Variants in CCSER1 observed in about 807,000 individuals in gnomAD.
The protein encoded by CCSER1 is serine-rich coiled-coil domain-containing protein 1.
Under a neutral mutation model 82.0 loss-of-function variants are expected in CCSER1, and 41 were observed. The ratio of observed to expected loss-of-function variants is 0.50; its 90% confidence interval spans 0.39 to 0.65. The LOEUF (loss-of-function observed/expected upper bound fraction) is 0.65. Among genes scored for constraint, CCSER1 ranks in the 30% least tolerant of loss-of-function variants. The probability of loss-of-function intolerance (pLI) is 0.00; values close to 1 mark genes in which losing one functional copy is unlikely to be tolerated. For synonymous variants in CCSER1, 414 were observed against 383.9 expected (o/e 1.08, Z -0.92); for missense variants, 1,119 against 1,064.2 (o/e 1.05, Z -0.72).
chr4:90,285,187 A>G (rs905369292), intron 1 of CCSER1, among the ~76,000 whole-genome samples: 3 of 151,958 alleles, frequency 2.0e-5, no homozygotes, highest in African/African-American at 7.2e-5. Flanking sequence ...GAAGAATGTC[A>G]TTGGTGTTTT....
At chr4:91,176,130 G>A (rs1037698708) in intron 10 of CCSER1, among the ~76,000 whole-genome samples, 1 of 152,206 alleles carries the variant, frequency 6.6e-6, no homozygotes. Context: ...AGATCAGATG[G>A]TTGTAGATGT....
rs540756479 is a variant in CCSER1 at position 91,144,724 on chromosome 4, G to A, written c.2217+58730G>A. Among the ~76,000 whole-genome samples the A allele has an allele frequency of 1.2e-4, 18 of 151,568 alleles. No homozygotes were observed. In the South Asian group the frequency reaches 3.7e-3, roughly 32 times the overall value. On this transcript the variant is annotated intron_variant, in intron 10 of 10. Transcript: ENST00000509176. ...GCCTTAATTTCATTGTTTTTACAAAGGGCATTCAGAAACAAGTTATTTAGT... is the reference window on the plus strand; with the variant it reads ...GCCTTAATTTCATTGTTTTTACAAAAGGCATTCAGAAACAAGTTATTTAGT...
chr4:91,453,892 T>C (rs925474471), intron 10 of CCSER1, among the ~76,000 whole-genome samples: 1 of 152,072 alleles, frequency 6.6e-6, no homozygotes, highest in African/African-American at 2.4e-5. Context: ...GATGTGTGAA[T>C]GGAAGAAAAT....
chr4:90,476,036 G>T, intron 5 of CCSER1, among the ~76,000 whole-genome samples: 1 of 148,660 alleles, frequency 6.7e-6, no homozygotes, highest in South Asian at 2.1e-4. Context: ...GTGTGTGTGT[G>T]TGTGTGTGTA....
At chr4:90,953,016 T>C (rs1355016374) in intron 9 of CCSER1, among the ~76,000 whole-genome samples, 1 of 152,104 alleles carries the variant, frequency 6.6e-6, no homozygotes, top group Non-Finnish European at 1.5e-5. Context: ...AATATTTTGC[T>C]TTAATATTGT....
intron 10 of CCSER1, among the ~76,000 whole-genome samples, chr4:91,386,317 C>T (rs1274011975): frequency 6.6e-6 from 1 of 151,976 alleles, no homozygotes; most frequent in East Asian, 1.9e-4. Context: ...ATAATTTAAT[C>T]TCCAAATAAT....
chr4:90,127,990 G>A (rs889755228), intron 1 of CCSER1, among the ~76,000 whole-genome samples, 159 bp downstream of exon 1: 1 of 151,806 alleles, frequency 6.6e-6, no homozygotes, highest in African/African-American at 2.4e-5. Context: ...CGGCGTGCTC[G>A]GCGCAGAGAC....
chr4:90,967,401 A>C (rs959026483), intron 9 of CCSER1, among the ~76,000 whole-genome samples: 8 of 152,078 alleles, frequency 5.3e-5, no homozygotes, highest in African/African-American at 1.9e-4. Context: ...GTGAGCTGAG[A>C]TCACAGCAAT....
chr4:90,267,280 G>A (rs1227449897), intron 1 of CCSER1, among the ~76,000 whole-genome samples: 1 of 151,906 alleles, frequency 6.6e-6, no homozygotes, highest in African/African-American at 2.4e-5. Context: ...GAATGAAGAG[G>A]GGGAAAGACT....
chr4:91,449,752 G>C (rs1458325823), intron 10 of CCSER1, among the ~76,000 whole-genome samples: 1 of 151,976 alleles, frequency 6.6e-6, no homozygotes, highest in Admixed American at 6.6e-5. Context: ...GGACTAAAAA[G>C]TGATTAAAAT....
At chr4:91,504,037 A>G (rs941642431) in intron 10 of CCSER1, among the ~76,000 whole-genome samples, 2 of 152,160 alleles carry the variant, frequency 1.3e-5, no homozygotes, top group Non-Finnish European at 2.9e-5. Context: ...TTTACTTATC[A>G]ATAGAAATTA....
rs183692914 is a variant in CCSER1, at chr4:91,197,615, T to C, written c.2217+111621T>C. The stretch of plus-strand genomic sequence containing the variant: ...ACTATATTTCATTTCAGCTGTTGAA[T>C]TGTATAAGATGTTACTGCTTAATCC... On this transcript the variant is annotated intron_variant, in intron 10 of 10. Coordinates refer to ENST00000509176, the MANE Select transcript of CCSER1 (RefSeq NM_001145065.2). 1.5e-4 allele frequency among the ~76,000 whole-genome samples: 23 copies of C among 152,358 alleles called. 1 individual carries two copies. In the East Asian group the frequency reaches 3.3e-3, roughly 22 times the overall value.
At chr4:90,810,832 C>CTTTTT (rs375997127) in intron 7 of CCSER1, among the ~76,000 whole-genome samples, 3,496 of 113,546 alleles carry the variant, frequency 0.031, 414 homozygotes, top group African/African-American at 0.099. Context: ...AAGAGTAATT[C>CTTTTT]TTTTTTTTTT....
chr4:91,036,499 G>T (rs574343500), intron 9 of CCSER1, among the ~76,000 whole-genome samples: 1 of 152,084 alleles, frequency 6.6e-6, no homozygotes, highest in African/African-American at 2.4e-5. Context: ...TCAGAATATT[G>T]TACATTTTGG....
chr4:90,687,335 T>C lies in CCSER1; in HGVS notation c.1933-36579T>C, dbSNP rs928901537. On this transcript the variant is annotated intron_variant, in intron 6 of 10. Coordinates refer to ENST00000509176, the MANE Select transcript of CCSER1 (RefSeq NM_001145065.2). Reference sequence around the variant, plus strand: ...ATCTCATTTGCTCATCTTTTGTTTCTGGAAAATTTTCAGGAGACCCTTCAG... The same window carrying C: ...ATCTCATTTGCTCATCTTTTGTTTCCGGAAAATTTTCAGGAGACCCTTCAG... Among the ~76,000 whole-genome samples the C allele has an allele frequency of 2.0e-5, 3 of 152,188 alleles. No homozygotes were observed. In the East Asian group the frequency reaches 5.8e-4, roughly 29 times the overall value.
At chr4:90,947,425 A>C (rs2035117) in intron 9 of CCSER1, among the ~76,000 whole-genome samples, 51,834 of 152,008 alleles carry the variant, frequency 0.34, 9,350 homozygotes, top group Non-Finnish European at 0.4. Flanking sequence ...AGCTATCTCA[A>C]TTTTTAACAT....
chr4:91,078,775 G>C (rs145266211), intron 9 of CCSER1, among the ~76,000 whole-genome samples: 1 of 152,194 alleles, frequency 6.6e-6, no homozygotes, highest in Non-Finnish European at 1.5e-5. Flanking sequence ...CGAGAACTAC[G>C]TGATGAATGC....
At chr4:90,771,486 C>A (rs1053433240) in intron 7 of CCSER1, among the ~76,000 whole-genome samples, 3 of 141,948 alleles carry the variant, frequency 2.1e-5, no homozygotes, top group East Asian at 4.1e-4. Context: ...CCCACTATTT[C>A]TTTTCTTTTA....
At chr4:91,313,050 A>G (rs558004007) in intron 10 of CCSER1, among the ~76,000 whole-genome samples, 2 of 151,944 alleles carry the variant, frequency 1.3e-5, no homozygotes, top group East Asian at 3.9e-4. Context: ...CTTTGAGCTG[A>G]TATTTGTTCC....
Sources: gnomAD v4.1 joint callset for allele counts (sites outside exome capture counted in the v4.1 genomes callset) on GRCh38, gnomAD v4.1.1 for gene constraint, MANE v1.5 for transcripts, NCBI Gene and HGNC (gene_info 2026-07-23, HGNC 2026-07-21) for gene names.